Variants in ATRNL1 observed in about 807,000 individuals in gnomAD.
ATRNL1 encodes attractin like 1.
In ATRNL1, 95 loss-of-function variants were observed where a neutral mutation model predicts 182.7. The observed-to-expected ratio is 0.52, with a 90% CI of 0.44 to 0.62. The LOEUF is 0.62. Among genes scored for constraint, ATRNL1 ranks in the 20% least tolerant of loss-of-function variants. The probability of loss-of-function intolerance (pLI) is 0.00; values close to 1 mark genes in which losing one functional copy is unlikely to be tolerated. For missense variants in ATRNL1, 1,471 were observed against 1,679.5 expected, an observed-to-expected ratio of 0.88 and a Z score of 2.17; for synonymous variants, 576 against 568.3, an observed-to-expected ratio of 1.01 and a Z score of -0.19.
chr10:115,230,718 G>T (rs1157031733), intron 9 of ATRNL1, among the ~76,000 whole-genome samples: 1 of 152,092 alleles, frequency 6.6e-6, no homozygotes, highest in Non-Finnish European at 1.5e-5. Context: ...AGACCATTTA[G>T]GAGGCTATTT....
At chr10:115,610,819 T>C (rs1349369580) in intron 26 of ATRNL1, among the ~76,000 whole-genome samples, 2 of 152,188 alleles carry the variant, frequency 1.3e-5, no homozygotes, top group African/African-American at 2.4e-5. Context: ...TTCTGTTTTA[T>C]TGAAGTTCAA....
intron 21 of ATRNL1, among the ~76,000 whole-genome samples, chr10:115,433,231 T>C (rs549719461): frequency 5.7e-4 from 87 of 152,228 alleles, no homozygotes; most frequent in Admixed American, 1.3e-3. Context: ...CTTAAAATAG[T>C]ATGTCAGTTT....
In ATRNL1 at chr10:115,427,275, G is replaced by A. The variant is rs543955591; in HGVS notation, c.3322+973G>A. Among the ~76,000 whole-genome samples, 592 of 152,016 alleles carry A rather than the reference G, an allele frequency of 3.9e-3. 3 individuals are homozygous for A. The highest frequency in any genetic ancestry group is 0.014 in the African/African-American group (568 of 41,464). ...TGTTTGCCATCTGTATATTTTATTCGATGAAGGGTCTGTTGAAATCCTTTG... is the reference window on the plus strand; with the variant it reads ...TGTTTGCCATCTGTATATTTTATTCAATGAAGGGTCTGTTGAAATCCTTTG... On this transcript the variant is annotated intron_variant, in intron 21 of 28. Transcript: ENST00000355044.
chr10:115,704,045 G>T (rs1946821844), intron 26 of ATRNL1, among the ~76,000 whole-genome samples: 1 of 151,942 alleles, frequency 6.6e-6, no homozygotes, highest in African/African-American at 2.4e-5. Context: ...ATTTATTAAA[G>T]ACAGTCAGTT....
intron 17 of ATRNL1, among the ~76,000 whole-genome samples, chr10:115,312,619 C>A (rs950431519): frequency 6.6e-6 from 1 of 152,120 alleles, no homozygotes; most frequent in South Asian, 2.1e-4. Context: ...CTCTCAGGAG[C>A]TCTTTGAGCT....
At chr10:115,341,296 T>G (rs971724009) in intron 19 of ATRNL1, among the ~76,000 whole-genome samples, 7 of 152,182 alleles carry the variant, frequency 4.6e-5, no homozygotes, top group Admixed American at 3.3e-4. Context: ...CAGGAGCATA[T>G]TGTTTAATTT....
chr10:115,163,317 T>C (rs568165890), intron 6 of ATRNL1, among the ~76,000 whole-genome samples: 2 of 151,794 alleles, frequency 1.3e-5, no homozygotes, highest in Admixed American at 1.3e-4. Flanking sequence ...TTGATTATTT[T>C]ATTTTTTCTT....
chr10:115,275,981 G>A (rs1332861305), intron 13 of ATRNL1, among the ~76,000 whole-genome samples: 1 of 152,106 alleles, frequency 6.6e-6, no homozygotes, highest in Non-Finnish European at 1.5e-5. Flanking sequence ...TTTCTGCTTA[G>A]TGAGCCCATA....
chr10:115,574,652 C>T (rs1160283696), intron 26 of ATRNL1, among the ~76,000 whole-genome samples: 1 of 152,118 alleles, frequency 6.6e-6, no homozygotes, highest in Non-Finnish European at 1.5e-5. Context: ...GTTACTTGGG[C>T]ACCAGATGCT....
chr10:115,725,736 A>AT lies in ATRNL1; in HGVS notation c.3796-1511dup, dbSNP rs548660481. 3.9e-5 allele frequency among the ~76,000 whole-genome samples: 5 copies of AT among 127,294 alleles called. No individual in the cohort carries two copies. The South Asian group carries it at 1.5e-3, about 38-fold the overall frequency. The allele number at this position is 127,294 out of a possible 152,430, so 83.5% of individuals were successfully genotyped here. A position where few individuals can be genotyped will look rare whatever the true frequency, so the allele number is the denominator to read the frequency against. On this transcript the variant is annotated intron_variant, in intron 26 of 28. Transcript: ENST00000355044. ...GAACCTGGTGTCTTCTGCATTTACT[A>AT]TCCTTAGCATTTGAGATAACATTAT...
chr10:115,900,933 C>G (rs1952333483), intron 28 of ATRNL1, among the ~76,000 whole-genome samples: 1 of 152,210 alleles, frequency 6.6e-6, no homozygotes, highest in Non-Finnish European at 1.5e-5. Flanking sequence ...GTCAATTTCA[C>G]TAGTAATCAG....
chr10:115,481,059 A>G lies in ATRNL1; in HGVS notation c.3654+11730A>G, dbSNP rs554899811. The stretch of plus-strand genomic sequence containing the variant: ...TAATTATATTTTGAAATCTAATGAA[A>G]CTCTTCTAAAAATTTTAATGCGGTT... On this transcript the variant is annotated intron_variant, in intron 24 of 28. Coordinates refer to ENST00000355044, the MANE Select transcript of ATRNL1 (RefSeq NM_207303.4). 1.2e-4 allele frequency among the ~76,000 whole-genome samples: 18 copies of G among 150,526 alleles called. No homozygotes were observed. The East Asian group carries it at 3.5e-3, about 29-fold the overall frequency.
chr10:115,817,472 G>A (rs916362573), intron 27 of ATRNL1, among the ~76,000 whole-genome samples: 6 of 152,010 alleles, frequency 3.9e-5, no homozygotes, highest in Non-Finnish European at 5.9e-5. Context: ...AGGCAAAAAT[G>A]AATGAGACAC....
chr10:115,624,929 C>T (rs1383519526), intron 26 of ATRNL1, among the ~76,000 whole-genome samples: 2 of 152,032 alleles, frequency 1.3e-5, no homozygotes, highest in African/African-American at 4.8e-5. Context: ...CTTTTTAATT[C>T]CCCTTAGAAG....
At chr10:115,354,682 A>G (rs1266581818) in intron 19 of ATRNL1, among the ~76,000 whole-genome samples, 1 of 151,922 alleles carries the variant, frequency 6.6e-6, no homozygotes, top group African/African-American at 2.4e-5. Context: ...TTTCAGTTGA[A>G]TCTTCTTGAT....
rs1169884107 is a variant in ATRNL1 at position 115,230,870 on chromosome 10, T to TGAGAGAGAGAGAGAGAGAGAGAGA, written c.1533-10672_1533-10649dup. 8.5e-4 allele frequency among the ~76,000 whole-genome samples: 71 copies of TGAGAGAGAGAGAGAGAGAGAGAGA among 83,734 alleles called. 1 individual carries two copies. The highest frequency in any genetic ancestry group is 1.1e-3 in the Non-Finnish European group (48 of 45,538). The allele number at this position is 83,734 out of a possible 152,430, so 54.9% of individuals were successfully genotyped here. On this transcript the variant is annotated intron_variant, in intron 9 of 28. Transcript: ENST00000355044. ...ACTAGGGGACTGGATATAGAGTGGA[T>TGAGAGAGAGAGAGAGAGAGAGAGA]GAGAGAGAGAGAGAGAGAGAGAGAG...
At position 115,848,009 on chromosome 10, in the gene ATRNL1, C is replaced by G. The variant is rs782103491; in HGVS notation, c.4018+18C>G. On this transcript the variant is annotated intron_variant, in intron 28 of 28. Coordinates refer to ENST00000355044, the MANE Select transcript of ATRNL1 (RefSeq NM_207303.4). ...GCAGTCAGGTATGATAAATGAGGAGCCTTCAGCAGTTAAGCAAAACTTGTA... is the reference window on the plus strand; with the variant it reads ...GCAGTCAGGTATGATAAATGAGGAGGCTTCAGCAGTTAAGCAAAACTTGTA... 3.2e-5 allele frequency: 46 copies of G among 1,426,646 alleles called. No homozygotes were observed. In the South Asian group the frequency reaches 4.4e-4, roughly 14 times the overall value. 88.4% of individuals were successfully genotyped at this position (1,426,646 alleles called of 1,614,324 possible).
chr10:115,236,092 A>T (rs146715694), intron 9 of ATRNL1, among the ~76,000 whole-genome samples: 1 of 152,054 alleles, frequency 6.6e-6, no homozygotes, highest in Non-Finnish European at 1.5e-5. Context: ...AGGTGTCTGT[A>T]TTCTTTAGAT....
chr10:115,241,794 C>A, intron 10 of ATRNL1, 69 bp downstream of exon 10: 1 of 1,313,542 alleles, frequency 7.6e-7, no homozygotes, highest in Non-Finnish European at 1.1e-6. Context: ...TTCTCAAATA[C>A]ATTAATTGAT....
Sources: allele counts gnomAD v4.1 joint callset (sites outside exome capture counted in the v4.1 genomes callset), GRCh38; gene constraint gnomAD v4.1.1; transcripts MANE v1.5; gene names NCBI Gene and HGNC (gene_info 2026-07-23, HGNC 2026-07-21).